Variants in UNC5C observed in about 807,000 individuals in gnomAD.
The protein encoded by UNC5C is netrin receptor UNC5C.
Under a neutral mutation model 99.8 loss-of-function variants are expected in UNC5C, and 47 were observed. That is an observed-to-expected ratio of 0.47 (90% CI 0.37 to 0.60). The LOEUF is 0.60. Ranked by LOEUF, UNC5C falls within the 20% of genes least tolerant of loss-of-function variation. The pLI, the probability that UNC5C is intolerant of heterozygous loss-of-function variation, is 0.00. For missense variants in UNC5C, 1,062 were observed against 1,165.9 expected (o/e 0.91, Z 1.30); for synonymous variants, 487 against 452.2 (o/e 1.08, Z -0.98).
chr4:95,250,605 A>T lies in UNC5C; in HGVS notation c.657T>A (p.Thr219=). The T allele has an allele frequency of 6.2e-7, 1 of 1,614,080 alleles. No homozygotes were observed. The highest frequency in any genetic ancestry group is 8.5e-7 in the Non-Finnish European group (1 of 1,179,986). The change falls in exon 5 of 16, where the codon ACT becomes ACA. Residue 219 remains threonine, a synonymous_variant. Transcript: ENST00000453304. Reference sequence around the variant, plus strand: ...GCTTTATGATGAGGTTGTGATCAATAGTAATATAAAAATTCCGATCTTCAA... The same window carrying T: ...GCTTTATGATGAGGTTGTGATCAATTGTAATATAAAAATTCCGATCTTCAA... ...DPVEDRNFYI[T]IDHNLIIKQA...
chr4:95,356,213 CAAAACA>C (rs1744190595), intron 1 of UNC5C, among the ~76,000 whole-genome samples: 17 of 78,154 alleles, frequency 2.2e-4, no homozygotes, highest in African/African-American at 8.9e-4. Flanking sequence ...AAAAAAAAAA[CAAAACA>C]AAAAAAAAAC....
chr4:95,414,104 A>G (rs542680003), intron 1 of UNC5C, among the ~76,000 whole-genome samples: 2 of 152,326 alleles, frequency 1.3e-5, no homozygotes, highest in East Asian at 3.9e-4. Context: ...TCAATAGCTC[A>G]AATGGTTGGT....
At chr4:95,245,383 G>A (rs2149379782) in intron 5 of UNC5C, among the ~76,000 whole-genome samples, 1 of 151,918 alleles carries the variant, frequency 6.6e-6, no homozygotes, top group South Asian at 2.1e-4. Context: ...AAAATAAATA[G>A]GACTGTATGT....
chr4:95,467,378 A>G (rs527494471), intron 1 of UNC5C, among the ~76,000 whole-genome samples: 73 of 152,286 alleles, frequency 4.8e-4, no homozygotes, highest in African/African-American at 1.7e-3. Context: ...AGAGGGAGAG[A>G]GAGAAACATA....
At chr4:95,266,819 C>G (rs1325285816) in intron 4 of UNC5C, among the ~76,000 whole-genome samples, 2 of 152,166 alleles carry the variant, frequency 1.3e-5, no homozygotes, top group African/African-American at 2.4e-5. Context: ...TCAGCAAAGA[C>G]AGAGAAATAT....
At chr4:95,192,398 CCACCTCCTCCCCCCTTCT>C (rs1302171883) in intron 12 of UNC5C, among the ~76,000 whole-genome samples, 1 of 98,900 alleles carries the variant, frequency 1.0e-5, no homozygotes, top group Non-Finnish European at 2.1e-5. Flanking sequence ...CCTCTTCTGC[CCACCTCCTCCCCCCTTCT>C]CACCTCCTCC....
intron 14 of UNC5C, among the ~76,000 whole-genome samples, chr4:95,177,410 C>T (rs962144580): frequency 3.0e-4 from 9 of 29,698 alleles, no homozygotes; most frequent in African/African-American, 9.4e-4. Flanking sequence ...ACCCAGAGCG[C>T]CCCCCATATG....
intron 1 of UNC5C, among the ~76,000 whole-genome samples, chr4:95,459,653 T>G (rs1031099791): frequency 4.6e-5 from 7 of 152,300 alleles, no homozygotes; most frequent in Middle Eastern, 3.4e-3. Context: ...GGCAAAAGAC[T>G]GTTTTATCAA....
In UNC5C at chr4:95,261,879, A is replaced by C. The variant is rs558166528; in HGVS notation, c.595-11212T>G. ...CCACGATGCCCAGCTAATTTTTTCT[A>C]TTTTTACTAGAGATGGGGTTTCACC... is the stretch of plus-strand genomic sequence containing the variant. On this transcript the variant is annotated intron_variant, in intron 4 of 15. Transcript: ENST00000453304. 7.9e-5 allele frequency among the ~76,000 whole-genome samples: 12 copies of C among 151,892 alleles called. No homozygotes were observed. In the South Asian group the frequency reaches 2.5e-3, roughly 32 times the overall value.
At chr4:95,289,599 G>T (rs1741369246) in intron 3 of UNC5C, among the ~76,000 whole-genome samples, 1 of 152,050 alleles carries the variant, frequency 6.6e-6, no homozygotes, top group Admixed American at 6.6e-5. Context: ...TATTTTCAAA[G>T]TGCTCCTCTA....
intron 1 of UNC5C, among the ~76,000 whole-genome samples, chr4:95,480,859 C>T (rs28733791): frequency 0.079 from 12,023 of 151,806 alleles, 519 homozygotes; most frequent in East Asian, 0.21. Context: ...GGACGTATCT[C>T]AAAATAATAA....
intron 1 of UNC5C, among the ~76,000 whole-genome samples, chr4:95,521,806 T>G (rs1267031005): frequency 6.6e-6 from 1 of 152,226 alleles, no homozygotes; most frequent in Non-Finnish European, 1.5e-5. Context: ...TCCTATCCAT[T>G]TTTATATATC....
At chr4:95,271,853 T>G (rs1740679127) in intron 4 of UNC5C, among the ~76,000 whole-genome samples, 2 of 152,196 alleles carry the variant, frequency 1.3e-5, no homozygotes, top group Admixed American at 1.3e-4. Context: ...CCTCGTTCCC[T>G]CTTTCCTGAC....
At chr4:95,516,337 G>T (rs1312566543) in intron 1 of UNC5C, among the ~76,000 whole-genome samples, 2 of 152,200 alleles carry the variant, frequency 1.3e-5, no homozygotes, top group East Asian at 3.9e-4. Flanking sequence ...TCAAGCAAAT[G>T]AAAACAGTAT....
chr4:95,494,311 A>G (rs1721576219), intron 1 of UNC5C, among the ~76,000 whole-genome samples: 1 of 151,558 alleles, frequency 6.6e-6, no homozygotes, highest in African/African-American at 2.4e-5. Flanking sequence ...TTGGATATGT[A>G]AAGATATTCA....
chr4:95,281,487 C>T (rs72674536), intron 3 of UNC5C, among the ~76,000 whole-genome samples: 22,725 of 151,918 alleles, frequency 0.15, 2,636 homozygotes, highest in East Asian at 0.31. Flanking sequence ...TGGTGAGGAG[C>T]CTGAAGTTAG....
At chr4:95,298,417 T>C (rs1407337253) in intron 3 of UNC5C, among the ~76,000 whole-genome samples, 1 of 152,160 alleles carries the variant, frequency 6.6e-6, no homozygotes. Flanking sequence ...GCCTTACCTT[T>C]CTGGCTGCAT....
intron 7 of UNC5C, among the ~76,000 whole-genome samples, chr4:95,224,795 A>G (rs573016839): frequency 4.6e-5 from 7 of 152,334 alleles, no homozygotes; most frequent in Non-Finnish European, 8.8e-5. Context: ...AAATAAACCA[A>G]AAGAACATAA....
intron 1 of UNC5C, among the ~76,000 whole-genome samples, chr4:95,453,572 A>C (rs1423834445): frequency 2.0e-5 from 3 of 152,148 alleles, no homozygotes; most frequent in African/African-American, 7.2e-5. Flanking sequence ...TAGGGTCAAA[A>C]CATCACTAAT....
Sources: allele counts gnomAD v4.1 joint callset (sites outside exome capture counted in the v4.1 genomes callset), GRCh38; gene constraint gnomAD v4.1.1; transcripts MANE v1.5; gene names NCBI Gene and HGNC (gene_info 2026-07-23, HGNC 2026-07-21).